Variants in STK39 observed in about 807,000 individuals in gnomAD.
STK39 encodes serine/threonine kinase 39, also known as STE20/SPS1-related proline-alanine-rich protein kinase.
In STK39, 20 loss-of-function variants were observed where a neutral mutation model predicts 77.8. The ratio of observed to expected loss-of-function variants is 0.26; its 90% CI spans 0.18 to 0.37. The LOEUF is 0.37. STK39 is among the 10% of genes least tolerant of loss of function. STK39 has a pLI of 1.00. For missense variants in STK39, 479 were observed against 656.5 expected (o/e 0.73, Z 2.95); for synonymous variants, 246 against 234.1 (o/e 1.05, Z -0.47).
In STK39 at chr2:168,195,148, C is replaced by T. The variant is rs369490941; in HGVS notation, c.209-13058G>A. On this transcript the variant is annotated intron_variant, in intron 1 of 17. Transcript: ENST00000355999. ...GTATTCACTTTTACATCCTCGTTGT[C>T]AAGTTTTTGTAACTAACGTTTCTAC... is the stretch of plus-strand genomic sequence containing the variant. Among the ~76,000 whole-genome samples the T allele has an allele frequency of 2.6e-5, 4 of 152,278 alleles. No individual in the cohort carries two copies. The South Asian group carries it at 6.2e-4, about 24-fold the overall frequency.
At chr2:168,150,623 C>T (rs1254813155) in intron 5 of STK39, among the ~76,000 whole-genome samples, 1 of 151,920 alleles carries the variant, frequency 6.6e-6, no homozygotes, top group South Asian at 2.1e-4. Context: ...GTGAAAACCT[C>T]TAATGAATTG....
Position 168,087,056 on chromosome 2 carries a change from G to C in STK39, c.1090-11825C>G, listed in dbSNP as rs181071280. ...CTGATCTGTAACTTTAGCTAATAAA[G>C]AGAACGATAGGAACACTCTGTCCTG... On this transcript the variant is annotated intron_variant, in intron 10 of 17. Coordinates refer to ENST00000355999, the MANE Select transcript of STK39 (RefSeq NM_013233.3). Among the ~76,000 whole-genome samples, 210 of 152,324 alleles carry C rather than the reference G, an allele frequency of 1.4e-3. 1 individual carries two copies. The highest frequency in any genetic ancestry group is 2.5e-3 in the Non-Finnish European group (167 of 68,030).
intron 8 of STK39, among the ~76,000 whole-genome samples, chr2:168,130,897 C>A (rs1687678757): frequency 6.6e-6 from 1 of 152,306 alleles, no homozygotes; most frequent in East Asian, 1.9e-4. Flanking sequence ...AGGAACTGTT[C>A]TAGACTCAAC....
At chr2:168,073,288 G>C (rs1279930712) in intron 12 of STK39, among the ~76,000 whole-genome samples, 15 of 152,208 alleles carry the variant, frequency 9.9e-5, no homozygotes, top group Admixed American at 9.8e-4. Context: ...GCACCCATCA[G>C]CCTTACTAGC....
At chr2:167,970,769 C>T (rs1487985272) in intron 16 of STK39, among the ~76,000 whole-genome samples, 13 of 152,216 alleles carry the variant, frequency 8.5e-5, no homozygotes, top group Admixed American at 5.9e-4. Context: ...AGCCATACTT[C>T]AACCAGTCAT....
intron 10 of STK39, among the ~76,000 whole-genome samples, chr2:168,111,989 C>A (rs962660901): frequency 6.6e-6 from 1 of 152,132 alleles, no homozygotes; most frequent in African/African-American, 2.4e-5. Context: ...AACTACTCAG[C>A]AACTATTTTG....
intron 10 of STK39, among the ~76,000 whole-genome samples, chr2:168,100,320 C>A (rs1045499647): frequency 7.9e-5 from 12 of 152,116 alleles, no homozygotes; most frequent in African/African-American, 1.2e-4. Flanking sequence ...GGAGAGCGTG[C>A]AGATTTAGAC....
chr2:168,198,281 A>G (rs1689525235), intron 1 of STK39, among the ~76,000 whole-genome samples: 1 of 152,156 alleles, frequency 6.6e-6, no homozygotes, highest in African/African-American at 2.4e-5. Flanking sequence ...CCTATTAATA[A>G]TTACATTAAT....
intron 16 of STK39, among the ~76,000 whole-genome samples, chr2:168,008,707 T>C (rs1234601683): frequency 6.6e-6 from 1 of 152,010 alleles, no homozygotes; most frequent in Non-Finnish European, 1.5e-5. Flanking sequence ...CTTGGACACA[T>C]CAAGATTTAT....
chr2:168,000,797 A>T (rs1468781489), intron 16 of STK39, among the ~76,000 whole-genome samples: 1 of 152,232 alleles, frequency 6.6e-6, no homozygotes, highest in Non-Finnish European at 1.5e-5. Context: ...ACTTTCTAAA[A>T]ATCCAGTCAA....
chr2:168,161,130 A>T (rs1338746859), intron 5 of STK39, among the ~76,000 whole-genome samples: 1 of 152,194 alleles, frequency 6.6e-6, no homozygotes, highest in Non-Finnish European at 1.5e-5. Context: ...AGCTAAAAGG[A>T]TTGCTGAGAC....
chr2:168,191,926 G>C (rs1019478768), intron 1 of STK39, among the ~76,000 whole-genome samples: 1 of 152,114 alleles, frequency 6.6e-6, no homozygotes, highest in African/African-American at 2.4e-5. Context: ...AGGAGGTGGT[G>C]GTTATTAGAC....
chr2:168,102,530 A>C (rs1295047080), intron 10 of STK39, among the ~76,000 whole-genome samples: 1 of 152,190 alleles, frequency 6.6e-6, no homozygotes, highest in Non-Finnish European at 1.5e-5. Context: ...AGCCCATTTC[A>C]ATGCACAACT....
At chr2:168,096,421 T>C (rs1686668266) in intron 10 of STK39, among the ~76,000 whole-genome samples, 1 of 152,204 alleles carries the variant, frequency 6.6e-6, no homozygotes. Context: ...CATCAGGTTA[T>C]TATGCAGATA....
rs1292399623 is a variant in STK39 at position 168,242,561 on chromosome 2, ATATATATATATATATATATATAT to A, written c.208+4644_208+4666del. ...AAGACTCTTACAAAAAAAAAAAAAA[ATATATATATATATATATATATAT>A]ATATATATATATAAAGAGGCCAGGC... is the stretch of plus-strand genomic sequence containing the variant. On this transcript the variant is annotated intron_variant, in intron 1 of 17. Coordinates refer to ENST00000355999, the MANE Select transcript of STK39 (RefSeq NM_013233.3). 7.3e-5 allele frequency among the ~76,000 whole-genome samples: 5 copies of A among 68,290 alleles called. No individual in the cohort carries two copies. In the Admixed American group the frequency reaches 1.1e-3, roughly 15 times the overall value. The allele number at this position is 68,290 out of a possible 152,430, so 44.8% of individuals were successfully genotyped here.
intron 12 of STK39, among the ~76,000 whole-genome samples, chr2:168,067,670 C>A (rs1406295787): frequency 1.3e-5 from 2 of 152,178 alleles, no homozygotes. Context: ...AATGTCACCA[C>A]TACAGATCCA....
chr2:168,002,279 T>C (rs765534932), intron 16 of STK39, among the ~76,000 whole-genome samples: 13 of 152,226 alleles, frequency 8.5e-5, no homozygotes, highest in Non-Finnish European at 1.5e-4. Context: ...CAATGAGTCA[T>C]AATCATGTGA....
chr2:168,136,488 A>G (rs1687845781), intron 8 of STK39, among the ~76,000 whole-genome samples: 1 of 152,248 alleles, frequency 6.6e-6, no homozygotes, highest in African/African-American at 2.4e-5. Context: ...TATATCATTA[A>G]GTACACTAAC....
intron 2 of STK39, among the ~76,000 whole-genome samples, 184 bp downstream of exon 2, chr2:168,181,793 TC>T (rs1275691898): frequency 4.6e-5 from 7 of 152,200 alleles, no homozygotes; most frequent in African/African-American, 1.7e-4. Context: ...GGGAAGGTGT[TC>T]ATTATACAAC....
Sources: allele counts gnomAD v4.1 joint callset (sites outside exome capture counted in the v4.1 genomes callset), GRCh38; gene constraint gnomAD v4.1.1; transcripts MANE v1.5; gene names NCBI Gene and HGNC (gene_info 2026-07-23, HGNC 2026-07-21).